DIP2B: variants seen among roughly 807,000 people sequenced by gnomAD.
DIP2B encodes disco-interacting protein 2 homolog B.
DIP2B carries 76 observed loss-of-function variants against 198.0 expected under a neutral mutation model. That is an observed-to-expected ratio of 0.38 (90% CI 0.32 to 0.46). The LOEUF (loss-of-function observed/expected upper bound fraction) is 0.46, where lower values mean the gene tolerates loss of function less well. Ranked by LOEUF, DIP2B falls within the 20% of genes least tolerant of loss-of-function variation. DIP2B has a pLI of 0.99. For synonymous variants in DIP2B, 701 were observed against 739.1 expected (o/e 0.95, Z 0.84); for missense variants, 1,559 against 1,978.4 (o/e 0.79, Z 4.02).
At chr12:50,727,938 C>A in intron 29 of DIP2B, 126 bp downstream of exon 29, 2 of 711,434 alleles carry the variant, frequency 2.8e-6, no homozygotes, top group Non-Finnish European at 4.7e-6. Flanking sequence ...AGATCTAAGT[C>A]GCTGCTCTAT....
chr12:50,571,699 T>C (rs1958616483), intron 1 of DIP2B, among the ~76,000 whole-genome samples: 3 of 151,996 alleles, frequency 2.0e-5, no homozygotes, highest in Admixed American at 6.6e-5. Context: ...ACTACAGGCG[T>C]GTGCCACCAC....
chr12:50,698,096 G>A (rs925278363), intron 17 of DIP2B, among the ~76,000 whole-genome samples: 12 of 150,098 alleles, frequency 8.0e-5, no homozygotes, highest in African/African-American at 2.7e-4. Flanking sequence ...GGGTCCCACT[G>A]TGTTGCCCAG....
chr12:50,572,645 C>A (rs117475889), intron 1 of DIP2B, among the ~76,000 whole-genome samples: 512 of 152,322 alleles, frequency 3.4e-3, no homozygotes, highest in Non-Finnish European at 5.3e-3. Flanking sequence ...CATTCTCCAC[C>A]TTTGCCATAT....
intron 1 of DIP2B, among the ~76,000 whole-genome samples, chr12:50,575,376 T>G (rs11169497): frequency 0.18 from 26,765 of 145,078 alleles, 2,869 homozygotes; most frequent in East Asian, 0.28. Context: ...GGCTTGTTTT[T>G]TTTTGTTTTG....
chr12:50,728,407 T>G lies in DIP2B; in HGVS notation c.3511-141T>G, dbSNP rs958546013. 5.0e-6 allele frequency: 5 copies of G among 994,116 alleles called. No homozygotes were observed. The African/African-American group carries it at 8.2e-5, about 16-fold the overall frequency. The allele number at this position is 994,116 out of a possible 1,614,324, so 61.6% of individuals were successfully genotyped here. On this transcript the variant is annotated intron_variant, in intron 29 of 37. Coordinates refer to ENST00000301180, the MANE Select transcript of DIP2B (RefSeq NM_173602.3). ...GAAATATGTTCCCTTAATGGAGTCTTAGATTAGGCTTTGAAGCACTAAAAA... is the reference window on the plus strand; with the variant it reads ...GAAATATGTTCCCTTAATGGAGTCTGAGATTAGGCTTTGAAGCACTAAAAA...
intron 1 of DIP2B, among the ~76,000 whole-genome samples, chr12:50,544,955 G>C (rs1958363246): frequency 6.6e-6 from 1 of 152,054 alleles, no homozygotes; most frequent in South Asian, 2.1e-4. Context: ...ACCAGGTGTG[G>C]TTTCTTATGA....
intron 19 of DIP2B, among the ~76,000 whole-genome samples, chr12:50,699,768 C>G (rs534856947): frequency 1.3e-5 from 2 of 151,880 alleles, no homozygotes; most frequent in Non-Finnish European, 2.9e-5. Flanking sequence ...AAGGCTGAGG[C>G]AGGAGGATCC....
intron 4 of DIP2B, among the ~76,000 whole-genome samples, chr12:50,665,869 G>C (rs751016583): frequency 5.9e-5 from 9 of 151,918 alleles, no homozygotes; most frequent in Non-Finnish European, 1.2e-4. Context: ...TTAAATAACT[G>C]TTGTCTTCTG....
intron 1 of DIP2B, among the ~76,000 whole-genome samples, chr12:50,593,468 A>G (rs1459781017): frequency 2.0e-5 from 3 of 151,586 alleles, no homozygotes; most frequent in African/African-American, 7.3e-5. Context: ...TCGCGCTGCT[A>G]CACTCCATCC....
chr12:50,727,397 C>T (rs781111792), intron 28 of DIP2B, among the ~76,000 whole-genome samples: 1 of 152,186 alleles, frequency 6.6e-6, no homozygotes, highest in African/African-American at 2.4e-5. Flanking sequence ...TCCAAGGTCA[C>T]GTAGCTGAGG....
intron 3 of DIP2B, chr12:50,655,124 C>T (rs563757643): frequency 1.8e-5 from 7 of 392,442 alleles, no homozygotes; most frequent in South Asian, 1.3e-4. Context: ...GAAACATCTA[C>T]ATGCCCAGAC....
chr12:50,604,879 C>T (rs910794097), intron 1 of DIP2B, among the ~76,000 whole-genome samples: 2 of 152,076 alleles, frequency 1.3e-5, no homozygotes. Context: ...AATGAGAGTT[C>T]CACAGATAAC....
intron 3 of DIP2B, among the ~76,000 whole-genome samples, chr12:50,641,487 G>A (rs1273720157): frequency 1.3e-5 from 2 of 152,230 alleles, no homozygotes; most frequent in South Asian, 2.1e-4. Context: ...CTTGTGGGTG[G>A]TACTAGGAGA....
At chr12:50,743,527 A>T (rs1940293401) in intron 37 of DIP2B, 1 of 152,206 alleles carries the variant, frequency 6.6e-6, no homozygotes, top group African/African-American at 2.4e-5. Context: ...CATGTGAGTC[A>T]GACAGACACT....
chr12:50,553,797 C>T (rs1284982971), intron 1 of DIP2B, among the ~76,000 whole-genome samples: 2 of 151,984 alleles, frequency 1.3e-5, no homozygotes, highest in Non-Finnish European at 2.9e-5. Flanking sequence ...AGGACTACAG[C>T]ATGTGCCTTC....
intron 1 of DIP2B, among the ~76,000 whole-genome samples, chr12:50,601,930 G>C (rs757324260): frequency 3.3e-5 from 5 of 152,200 alleles, no homozygotes; most frequent in Non-Finnish European, 5.9e-5. Context: ...TCCAGTCCTG[G>C]TGTGCATAGT....
chr12:50,684,532 C>A (rs1423576980), intron 10 of DIP2B, among the ~76,000 whole-genome samples: 1 of 152,234 alleles, frequency 6.6e-6, no homozygotes, highest in Non-Finnish European at 1.5e-5. Context: ...TGGCTCACAC[C>A]TGTAATCCCA....
chr12:50,631,436 A>C (rs1235031426), intron 2 of DIP2B, among the ~76,000 whole-genome samples: 1 of 152,070 alleles, frequency 6.6e-6, no homozygotes, highest in African/African-American at 2.4e-5. Context: ...CATGTTGGCC[A>C]GGATGGTCTC....
intron 28 of DIP2B, among the ~76,000 whole-genome samples, chr12:50,725,342 C>T (rs1043939031): frequency 6.6e-6 from 1 of 152,136 alleles, no homozygotes; most frequent in African/African-American, 2.4e-5. Flanking sequence ...ACTGCCTACC[C>T]CTGCCTGACT....
Sources: allele counts gnomAD v4.1 joint callset (sites outside exome capture counted in the v4.1 genomes callset), GRCh38; gene constraint gnomAD v4.1.1; transcripts MANE v1.5; gene names NCBI Gene and HGNC (gene_info 2026-07-23, HGNC 2026-07-21).